The following SLC29A3 variants were observed in gnomAD, a reference collection of about 807,000 sequenced individuals.
The protein encoded by SLC29A3 is equilibrative nucleoside transporter 3.
Under a neutral mutation model 25.4 loss-of-function variants are expected in SLC29A3, and 18 were observed. The ratio of observed to expected loss-of-function variants is 0.71; its 90% CI spans 0.49 to 1.05. The LOEUF is 1.05. Among genes scored for constraint, SLC29A3 ranks in the 50% least tolerant of loss-of-function variants. The pLI is 0.00. For synonymous variants in SLC29A3, 258 were observed against 267.1 expected (o/e 0.97, Z 0.33); for missense variants, 586 against 609.0 (o/e 0.96, Z 0.40).
At position 71,351,742 on chromosome 10, in the gene SLC29A3, C is replaced by T. The variant is rs2131839320; in HGVS notation, c.564C>T (p.Gly188=). The T allele has an allele frequency of 1.9e-6, 3 of 1,614,084 alleles. No individual in the cohort carries two copies. Among genetic ancestry groups the T allele is most frequent in the Non-Finnish European group, 2.5e-6 (3 of 1,180,038 alleles). Residue 188 remains glycine, a synonymous_variant, in exon 4 of 6, where the codon GGC becomes GGT. Coordinates refer to ENST00000373189, the MANE Select transcript of SLC29A3 (RefSeq NM_018344.6). ...CTGTCTTCAGCAGCAGCATCTACGGCATGACCGGCTCCTTTCCTATGAGGA... is the reference window on the plus strand; with the variant it reads ...CTGTCTTCAGCAGCAGCATCTACGGTATGACCGGCTCCTTTCCTATGAGGA... ...ASTVFSSSIY[G]MTGSFPMRNS...
intron 2 of SLC29A3, among the ~76,000 whole-genome samples, chr10:71,341,215 C>T (rs567236183): frequency 2.4e-4 from 37 of 151,922 alleles, no homozygotes; most frequent in African/African-American, 8.3e-4. Context: ...CTGTGGGGGT[C>T]AGCTCCTCCT....
In SLC29A3 at chr10:71,362,926, C is replaced by G. The variant is rs527551448; in HGVS notation, c.*318C>G. On this transcript the variant is annotated 3_prime_UTR_variant, in exon 6 of 6. Transcript: ENST00000373189. ...GCCCTTCAAAGATGCTGCCAGTGTTCGCCCTAGAGTTATTACAAAGCCAGT... is the reference window on the plus strand; with the variant it reads ...GCCCTTCAAAGATGCTGCCAGTGTTGGCCCTAGAGTTATTACAAAGCCAGT... The G allele has an allele frequency of 9.2e-6, 5 of 541,940 alleles. No homozygotes were observed. Among genetic ancestry groups the G allele is most frequent in the Admixed American group, 4.4e-5 (2 of 45,052 alleles). The allele number at this position is 541,940 out of a possible 1,614,324, so 33.6% of individuals were successfully genotyped here.
intron 3 of SLC29A3, among the ~76,000 whole-genome samples, chr10:71,371,690 G>T (rs1363775508): frequency 6.6e-6 from 1 of 152,178 alleles, no homozygotes; most frequent in African/African-American, 2.4e-5. Context: ...TCTTGGACAG[G>T]TTTCTTAACC....
At chr10:71,372,594 CAA>C (rs1241648366) in intron 3 of SLC29A3, among the ~76,000 whole-genome samples, 5 of 152,156 alleles carry the variant, frequency 3.3e-5, no homozygotes, top group African/African-American at 1.2e-4. Context: ...TGTGCTAAAC[CAA>C]AGAGTGATGA....
exon 5 of SLC29A3, chr10:71,380,841 C>A (rs985176128): frequency 1.3e-5 from 2 of 152,078 alleles, no homozygotes; most frequent in South Asian, 2.1e-4. Context: ...TCCTTTGTGG[C>A]ACTTATTATA....
rs755318499 is a variant in SLC29A3 at position 71,362,352 on chromosome 10, C to G, written c.1172C>G (p.Pro391Arg). ...GTGCTCCTCCGGACCTGCCTCATCC[C>G]CCTCTTCGTGCTCTGTAACTACCAG... is the stretch of plus-strand genomic sequence containing the variant. ...GFVLLRTCLI[P>R]LFVLCNYQPR... is the part of the protein sequence containing the mutation. Residue 391 changes from proline (P) to arginine (R), a missense_variant, in exon 6 of 6, where the codon CCC (proline) becomes CGC (arginine). Pro to Arg is a moderately radical substitution (Grantham distance 103, BLOSUM62 -2). Transcript: ENST00000373189. The G allele has an allele frequency of 1.2e-6, 2 of 1,614,068 alleles. No homozygotes were observed. Among genetic ancestry groups the G allele is most frequent in the South Asian group, 1.1e-5 (1 of 91,090 alleles).
chr10:71,377,702 G>C (rs1847263836), intron 4 of SLC29A3, among the ~76,000 whole-genome samples: 1 of 152,218 alleles, frequency 6.6e-6, no homozygotes, highest in Non-Finnish European at 1.5e-5. Flanking sequence ...TTCCTACCTG[G>C]TCTTGGAGGA....
intron 2 of SLC29A3, among the ~76,000 whole-genome samples, chr10:71,328,566 C>A (rs1002126029): frequency 2.0e-5 from 3 of 152,222 alleles, no homozygotes; most frequent in Non-Finnish European, 4.4e-5. Flanking sequence ...AACTCTCTTA[C>A]TCTACATCCT....
intron 2 of SLC29A3, among the ~76,000 whole-genome samples, chr10:71,332,893 C>T (rs1298858837): frequency 1.3e-5 from 2 of 152,220 alleles, no homozygotes; most frequent in Admixed American, 1.3e-4. Context: ...GCCTCAGCTT[C>T]TCTAGTTCTC....
intron 4 of SLC29A3, among the ~76,000 whole-genome samples, chr10:71,378,585 T>G (rs1457294647): frequency 6.6e-6 from 1 of 152,238 alleles, no homozygotes; most frequent in East Asian, 1.9e-4. Flanking sequence ...AGCAGCAAAC[T>G]GTACCACTTG....
intron 2 of SLC29A3, among the ~76,000 whole-genome samples, chr10:71,337,086 C>G (rs1846272522): frequency 6.6e-6 from 1 of 152,212 alleles, no homozygotes; most frequent in Non-Finnish European, 1.5e-5. Flanking sequence ...CCTTGGGCCT[C>G]TGGCCTCCCC....
intron 2 of SLC29A3, among the ~76,000 whole-genome samples, chr10:71,338,047 C>A (rs749758221): frequency 3.9e-4 from 59 of 152,258 alleles, no homozygotes; most frequent in Non-Finnish European, 7.9e-4. Flanking sequence ...CACATTCACC[C>A]ACCATATGGG....
At chr10:71,334,963 T>A (rs1390006187) in intron 2 of SLC29A3, among the ~76,000 whole-genome samples, 1 of 150,722 alleles carries the variant, frequency 6.6e-6, no homozygotes, top group African/African-American at 2.4e-5. Flanking sequence ...TTTCTTTTTT[T>A]TTTTTTTTGT....
chr10:71,347,501 G>C (rs2243460), intron 3 of SLC29A3, among the ~76,000 whole-genome samples: 104,855 of 152,046 alleles, frequency 0.69, 36,975 homozygotes, highest in Non-Finnish European at 0.76. Flanking sequence ...CTAAGAGCAC[G>C]ACTGTCCCCT....
chr10:71,342,112 G>A (rs1246097225), intron 2 of SLC29A3, among the ~76,000 whole-genome samples: 1 of 152,200 alleles, frequency 6.6e-6, no homozygotes, highest in Non-Finnish European at 1.5e-5. Flanking sequence ...GCACAGGTGT[G>A]AGCATCAGGA....
At chr10:71,345,116 G>A (rs1261572827) in intron 3 of SLC29A3, among the ~76,000 whole-genome samples, 1 of 152,208 alleles carries the variant, frequency 6.6e-6, no homozygotes, top group African/African-American at 2.4e-5. Flanking sequence ...TGCAAGAGGA[G>A]AGAGGGCACC....
At chr10:71,319,767 C>T (rs1434425418) in intron 1 of SLC29A3, 1 of 160,332 alleles carries the variant, frequency 6.2e-6, no homozygotes, top group African/African-American at 2.4e-5. Context: ...GGTTCACAGC[C>T]CAGGAGATCG....
intron 5 of SLC29A3, among the ~76,000 whole-genome samples, chr10:71,359,734 G>T (rs1165991112): frequency 6.6e-6 from 1 of 152,176 alleles, no homozygotes; most frequent in African/African-American, 2.4e-5. Flanking sequence ...GGCCCAGAGA[G>T]GGGTGTGCCT....
chr10:71,320,735 C>A (rs1047429048), intron 1 of SLC29A3, among the ~76,000 whole-genome samples: 2 of 152,192 alleles, frequency 1.3e-5, no homozygotes, highest in African/African-American at 4.8e-5. Flanking sequence ...AGGGTACATG[C>A]TACCCCAGCA....
Sources: gnomAD v4.1 joint callset for allele counts (sites outside exome capture counted in the v4.1 genomes callset) on GRCh38, gnomAD v4.1.1 for gene constraint, MANE v1.5 for transcripts, NCBI Gene and HGNC (gene_info 2026-07-23, HGNC 2026-07-21) for gene names.